Variants in GALNT13 observed in about 807,000 individuals in gnomAD.
GALNT13 encodes polypeptide N-acetylgalactosaminyltransferase 13.
A neutral mutation model predicts 64.2 loss-of-function variants in GALNT13; 28 were observed. That is an observed-to-expected ratio of 0.44 (90% CI 0.32 to 0.60). The LOEUF (loss-of-function observed/expected upper bound fraction) is 0.60. GALNT13 is among the 20% of genes least tolerant of loss of function. The probability of loss-of-function intolerance (pLI) is 0.05; values close to 1 mark genes in which losing one functional copy is unlikely to be tolerated. For synonymous variants in GALNT13, 214 were observed against 224.6 expected, an observed-to-expected ratio of 0.95 and a Z score of 0.42; for missense variants, 577 against 669.8, an observed-to-expected ratio of 0.86 and a Z score of 1.53.
chr2:153,275,633 TC>T, the GALNT13 span, among the ~76,000 whole-genome samples: 1 of 152,180 alleles, frequency 6.6e-6, no homozygotes, highest in Non-Finnish European at 1.5e-5. Context: ...TCTCTTTCTC[TC>T]TCATGATTCA....
chr2:154,426,388 A>C lies in GALNT13; in HGVS notation c.1396-12204A>C, dbSNP rs149396891. The stretch of plus-strand genomic sequence containing the variant: ...TATCTTTGTAATATAATGTAATGTG[A>C]TCTTGAAATGACTGTCCTGTCATGG... On this transcript the variant is annotated intron_variant, in intron 11 of 12. Transcript: ENST00000392825. Among the ~76,000 whole-genome samples the C allele has an allele frequency of 2.9e-3, 434 of 152,242 alleles. 2 individuals carry two copies. The highest frequency in any genetic ancestry group is 0.01 in the African/African-American group (421 of 41,558).
intron 3 of GALNT13, among the ~76,000 whole-genome samples, chr2:154,096,690 G>A (rs1342332098): frequency 2.0e-5 from 3 of 151,926 alleles, no homozygotes; most frequent in African/African-American, 7.2e-5. Flanking sequence ...GTTGGCTCCA[G>A]GACAAATTCA....
chr2:154,090,769 A>G (rs1223326909), intron 3 of GALNT13, among the ~76,000 whole-genome samples: 3 of 152,052 alleles, frequency 2.0e-5, no homozygotes, highest in Non-Finnish European at 4.4e-5. Context: ...CATGCCACAC[A>G]AACATGTATG....
chr2:154,024,350 G>T (rs1477277372), intron 3 of GALNT13, among the ~76,000 whole-genome samples: 1 of 152,012 alleles, frequency 6.6e-6, no homozygotes, highest in African/African-American at 2.4e-5. Flanking sequence ...ACATAGATTT[G>T]GTCTTTTCAC....
chr2:153,828,604 T>C, the GALNT13 span, among the ~76,000 whole-genome samples: 3 of 152,084 alleles, frequency 2.0e-5, no homozygotes, highest in South Asian at 4.2e-4. Flanking sequence ...TAAAACCATG[T>C]TTTCCTCCTA....
At chr2:153,530,318 G>C in the GALNT13 span, among the ~76,000 whole-genome samples, 5 of 151,666 alleles carry the variant, frequency 3.3e-5, no homozygotes, top group African/African-American at 9.7e-5. Flanking sequence ...AACCAAAGAA[G>C]TGAAAAATAT....
intron 8 of GALNT13, among the ~76,000 whole-genome samples, chr2:154,279,806 T>C (rs1189180808): frequency 1.3e-5 from 2 of 152,142 alleles, no homozygotes; most frequent in Non-Finnish European, 2.9e-5. Context: ...ATTTTTTTAA[T>C]AAAAAACTGT....
At chr2:153,927,191 C>A (rs2105349158) in intron 2 of GALNT13, among the ~76,000 whole-genome samples, 1 of 151,820 alleles carries the variant, frequency 6.6e-6, no homozygotes, top group Admixed American at 6.6e-5. Context: ...ATGTTTTTAC[C>A]AATTTATGTT....
intron 4 of GALNT13, among the ~76,000 whole-genome samples, chr2:154,169,942 A>G (rs7558032): frequency 0.082 from 12,530 of 152,168 alleles, 1,475 homozygotes; most frequent in East Asian, 0.63. Flanking sequence ...TCTAGGGAGC[A>G]GAAGCACAGT....
At chr2:154,435,136 ATGTAACACAGTTCTGCTTTACTAACTAT>A (rs1700895795) in intron 11 of GALNT13, among the ~76,000 whole-genome samples, 1 of 152,244 alleles carries the variant, frequency 6.6e-6, no homozygotes, top group Non-Finnish European at 1.5e-5. Context: ...TCTATGGTTC[ATGTAACACAGTTCTGCTTTACTAACTAT>A]TGGTAACCGA....
At chr2:153,248,838 G>GAAAAAAAAGA in the GALNT13 span, among the ~76,000 whole-genome samples, 2 of 138,126 alleles carry the variant, frequency 1.4e-5, no homozygotes, top group Admixed American at 1.5e-4. Context: ...AGAAAAAAAA[G>GAAAAAAAAGA]AAAAAAAAAA....
intron 3 of GALNT13, among the ~76,000 whole-genome samples, chr2:154,055,379 G>A (rs963273471): frequency 6.6e-6 from 1 of 152,016 alleles, no homozygotes; most frequent in African/African-American, 2.4e-5. Context: ...CTTCTTAGGA[G>A]AGTGTGTCAC....
chr2:153,443,168 C>G, the GALNT13 span, among the ~76,000 whole-genome samples: 2 of 152,158 alleles, frequency 1.3e-5, no homozygotes, highest in African/African-American at 4.8e-5. Flanking sequence ...AACCTAGGGC[C>G]CTGGTAGCAT....
At position 154,014,635 on chromosome 2, in the gene GALNT13, CT is replaced by C. The variant is rs60950180; in HGVS notation, c.142+70011del. On this transcript the variant is annotated intron_variant, in intron 3 of 12. Transcript: ENST00000392825. ...ACTTTTTGTCTTTCTGATAATTCTCCTTTTTTTTTTTTTTTGAGACGGAGTC... is the reference window on the plus strand; with the variant it reads ...ACTTTTTGTCTTTCTGATAATTCTCCTTTTTTTTTTTTTTGAGACGGAGTC... Among the ~76,000 whole-genome samples, 207 of 77,220 alleles carry C rather than the reference CT, an allele frequency of 2.7e-3. 17 individuals carry two copies. The highest frequency in any genetic ancestry group is 0.012 in the Middle Eastern group (1 of 82). 50.7% of individuals were successfully genotyped at this position (77,220 alleles called of 152,430 possible). A position where few individuals can be genotyped will look rare whatever the true frequency, so the allele number is the denominator to read the frequency against.
At position 153,959,947 on chromosome 2, in the gene GALNT13, C is replaced by T. The variant is rs1051861480; in HGVS notation, c.142+15308C>T. 3.9e-5 allele frequency among the ~76,000 whole-genome samples: 6 copies of T among 152,276 alleles called. No homozygotes were observed. In the East Asian group the frequency reaches 5.8e-4, roughly 15 times the overall value. On this transcript the variant is annotated intron_variant, in intron 3 of 12. Coordinates refer to ENST00000392825, the MANE Select transcript of GALNT13 (RefSeq NM_052917.4). ...GCAGACAGCCTCACAGCCGTCTCAC[C>T]GATGGGCTCAGCTGCCACAGTGGGA...
At chr2:153,821,630 G>A in the GALNT13 span, among the ~76,000 whole-genome samples, 2 of 152,014 alleles carry the variant, frequency 1.3e-5, no homozygotes, top group Admixed American at 1.3e-4. Context: ...CCTATATCAA[G>A]AGGTTAAAAA....
the GALNT13 span, among the ~76,000 whole-genome samples, chr2:153,717,184 C>T: frequency 1.3e-5 from 2 of 152,172 alleles, 1 homozygote; most frequent in South Asian, 4.1e-4. Flanking sequence ...AAATAATAAA[C>T]ATTCTGCTTT....
the GALNT13 span, among the ~76,000 whole-genome samples, chr2:153,708,398 A>C: frequency 6.6e-6 from 1 of 152,110 alleles, no homozygotes; most frequent in South Asian, 2.1e-4. Context: ...ACTATCCTCT[A>C]TTCTTAACTG....
the GALNT13 span, among the ~76,000 whole-genome samples, chr2:153,406,406 T>C: frequency 6.6e-6 from 1 of 150,414 alleles, no homozygotes; most frequent in African/African-American, 2.5e-5. Context: ...AAATTCTCTA[T>C]TTTTTTTTCT....
Sources: gnomAD v4.1 joint callset for allele counts (sites outside exome capture counted in the v4.1 genomes callset) on GRCh38, gnomAD v4.1.1 for gene constraint, MANE v1.5 for transcripts, NCBI Gene and HGNC (gene_info 2026-07-23, HGNC 2026-07-21) for gene names.